The following PPM1H variants were observed in gnomAD, a reference collection of about 807,000 sequenced individuals.
PPM1H encodes protein phosphatase 1H.
A neutral mutation model predicts 54.9 loss-of-function variants in PPM1H; 27 were observed. The ratio of observed to expected loss-of-function variants is 0.49; its 90% confidence interval spans 0.36 to 0.68. The LOEUF (loss-of-function observed/expected upper bound fraction) is 0.68, where lower values mean the gene tolerates loss of function less well. Ranked by LOEUF, PPM1H falls within the 30% of genes least tolerant of loss-of-function variation. The pLI, the probability that PPM1H is intolerant of heterozygous loss-of-function variation, is 0.00. For synonymous variants in PPM1H, 305 were observed against 270.8 expected (o/e 1.13, Z -1.24); for missense variants, 596 against 667.8 (o/e 0.89, Z 1.19).
chr12:62,775,836 C>G (rs1474338207), intron 4 of PPM1H, among the ~76,000 whole-genome samples: 2 of 152,164 alleles, frequency 1.3e-5, no homozygotes, highest in Admixed American at 1.3e-4. Flanking sequence ...AGGTACATTC[C>G]TGGTTCAAGG....
chr12:62,648,455 T>A lies in PPM1H; in HGVS notation c.*34A>T. 2 of 1,610,990 alleles carry A rather than the reference T, an allele frequency of 1.2e-6. No homozygotes were observed. The highest frequency in any genetic ancestry group is 2.2e-5 in the South Asian group (2 of 90,730). ...CCTGCCAAGAGGCATCCCAGCTTTC[T>A]TCCCCTCTGTCCTCCCAATCCCCTG... On this transcript the variant is annotated 3_prime_UTR_variant, in exon 10 of 10. Transcript: ENST00000228705.
At chr12:62,842,274 ATTTTG>A (rs3080672) in intron 1 of PPM1H, among the ~76,000 whole-genome samples, 136 of 152,292 alleles carry the variant, frequency 8.9e-4, no homozygotes, top group African/African-American at 3.2e-3. Flanking sequence ...TAAAGATCAG[ATTTTG>A]TTTTATTTAC....
chr12:62,737,660 T>C, intron 4 of PPM1H, 74 bp from the exon 5 acceptor site: 1 of 1,076,254 alleles, frequency 9.3e-7, no homozygotes, highest in South Asian at 1.6e-5. Flanking sequence ...ATTGCTTGGT[T>C]CAGGTCACAC....
At chr12:62,920,634 AAAAG>A (rs1020818800) in intron 1 of PPM1H, among the ~76,000 whole-genome samples, 23 of 151,752 alleles carry the variant, frequency 1.5e-4, no homozygotes, top group African/African-American at 5.3e-4. Context: ...AAAAAAAAAA[AAAAG>A]AAAGAAAAAA....
At chr12:62,704,618 T>C (rs2076163009) in intron 6 of PPM1H, among the ~76,000 whole-genome samples, 1 of 152,216 alleles carries the variant, frequency 6.6e-6, no homozygotes, top group Non-Finnish European at 1.5e-5. Context: ...CAAGTTAGAT[T>C]CAGGCACAAA....
intron 2 of PPM1H, among the ~76,000 whole-genome samples, chr12:62,817,137 G>GAAAAAAAAAAAAAAAAAAAAAAAA (rs748440124): frequency 4.5e-5 from 3 of 67,352 alleles, no homozygotes; most frequent in African/African-American, 6.2e-5. Flanking sequence ...AAAAAAAAAA[G>GAAAAAAAAAAAAAAAAAAAAAAAA]AAAAAAAAAA....
chr12:62,730,821 C>A (rs891976595), intron 5 of PPM1H, among the ~76,000 whole-genome samples: 7 of 152,228 alleles, frequency 4.6e-5, no homozygotes, highest in Non-Finnish European at 1.0e-4. Flanking sequence ...AGCCAAACCA[C>A]TGGTGATCAC....
chr12:62,676,540 A>T (rs755850897), intron 8 of PPM1H, among the ~76,000 whole-genome samples: 1 of 152,100 alleles, frequency 6.6e-6, no homozygotes, highest in Non-Finnish European at 1.5e-5. Context: ...GCAGGCTTGG[A>T]AGTGTCTGTT....
intron 4 of PPM1H, among the ~76,000 whole-genome samples, chr12:62,739,963 G>A (rs1015285097): frequency 1.3e-4 from 20 of 152,026 alleles, no homozygotes; most frequent in African/African-American, 3.4e-4. Flanking sequence ...CCCACACCTC[G>A]GGGTTCTCCC....
intron 4 of PPM1H, chr12:62,755,521 G>A (rs761625321): frequency 7.8e-5 from 52 of 662,792 alleles, no homozygotes; most frequent in African/African-American, 1.2e-4. Context: ...GGAATCCACC[G>A]GTGTCTTCAC....
At chr12:62,676,710 C>G (rs572019255) in intron 8 of PPM1H, among the ~76,000 whole-genome samples, 8 of 151,968 alleles carry the variant, frequency 5.3e-5, no homozygotes, top group Non-Finnish European at 1.0e-4. Flanking sequence ...GGACTTTGGT[C>G]GCCACCGAGC....
chr12:62,703,962 AAGAG>A, intron 6 of PPM1H, among the ~76,000 whole-genome samples: 1 of 127,182 alleles, frequency 7.9e-6, no homozygotes, highest in African/African-American at 3.0e-5. Flanking sequence ...CACTACATGA[AAGAG>A]AGAGAAAGCG....
At chr12:62,799,349 C>T (rs573551842) in intron 3 of PPM1H, among the ~76,000 whole-genome samples, 12 of 152,258 alleles carry the variant, frequency 7.9e-5, no homozygotes, top group African/African-American at 2.2e-4. Flanking sequence ...AATGCAGCAG[C>T]TCCAGGTAAA....
At chr12:62,762,107 C>T (rs942547170) in intron 4 of PPM1H, among the ~76,000 whole-genome samples, 7 of 152,212 alleles carry the variant, frequency 4.6e-5, no homozygotes, top group African/African-American at 1.7e-4. Flanking sequence ...TGCCAAGCCC[C>T]AAGTTTGCCT....
chr12:62,709,984 C>T (rs1055743776), intron 6 of PPM1H, among the ~76,000 whole-genome samples: 2 of 152,060 alleles, frequency 1.3e-5, no homozygotes, highest in Admixed American at 6.5e-5. Context: ...GCAGGAGAAT[C>T]GCTTGAACCC....
chr12:62,729,233 G>C (rs2076306963), intron 5 of PPM1H, among the ~76,000 whole-genome samples: 1 of 152,182 alleles, frequency 6.6e-6, no homozygotes, highest in Admixed American at 6.5e-5. Context: ...ACACTGAAGA[G>C]GATCAGAGAG....
intron 7 of PPM1H, among the ~76,000 whole-genome samples, chr12:62,692,963 A>ACACACT (rs55900787): frequency 6.7e-6 from 1 of 149,286 alleles, no homozygotes; most frequent in African/African-American, 2.5e-5. Context: ...ACACACACAC[A>ACACACT]CTCTGCCCAT....
intron 1 of PPM1H, among the ~76,000 whole-genome samples, chr12:62,841,922 A>T (rs1018220526): frequency 6.6e-6 from 1 of 152,212 alleles, no homozygotes; most frequent in African/African-American, 2.4e-5. Flanking sequence ...TAACATAGTA[A>T]AAATGAAAAT....
chr12:62,657,050 G>A (rs2075848461), intron 9 of PPM1H, among the ~76,000 whole-genome samples: 1 of 152,126 alleles, frequency 6.6e-6, no homozygotes. Flanking sequence ...AGGTTATGGG[G>A]ACTCCACTCA....
Sources: gnomAD v4.1 joint callset for allele counts (sites outside exome capture counted in the v4.1 genomes callset) on GRCh38, gnomAD v4.1.1 for gene constraint, MANE v1.5 for transcripts, NCBI Gene and HGNC (gene_info 2026-07-23, HGNC 2026-07-21) for gene names.